The following NTM variants were observed in gnomAD, a reference collection of about 807,000 sequenced individuals.
The protein encoded by NTM is neurotrimin.
Under a neutral mutation model 42.1 loss-of-function variants are expected in NTM, and 13 were observed. The ratio of observed to expected loss-of-function variants is 0.31; its 90% CI spans 0.20 to 0.49. The LOEUF is 0.49. Among genes scored for constraint, NTM ranks in the 20% least tolerant of loss-of-function variants. NTM has a pLI of 0.99. For synonymous variants in NTM, 187 were observed against 179.2 expected, an observed-to-expected ratio of 1.04 and a Z score of -0.35; for missense variants, 373 against 452.8, an observed-to-expected ratio of 0.82 and a Z score of 1.60.
intron 3 of NTM, among the ~76,000 whole-genome samples, chr11:132,166,576 C>A (rs1566356264): frequency 6.6e-6 from 1 of 152,186 alleles, no homozygotes; most frequent in African/African-American, 2.4e-5. Flanking sequence ...GCTATGCAAT[C>A]CACATAGTAA....
chr11:131,548,962 G>A (rs1234694536), intron 1 of NTM, among the ~76,000 whole-genome samples: 1 of 152,210 alleles, frequency 6.6e-6, no homozygotes, highest in South Asian at 2.1e-4. Context: ...CTGGGAGGCA[G>A]AATTCACAGC....
chr11:131,613,182 G>C (rs570964602), intron 1 of NTM, among the ~76,000 whole-genome samples: 19 of 152,082 alleles, frequency 1.2e-4, no homozygotes, highest in Non-Finnish European at 2.6e-4. Flanking sequence ...GCTTTTCCCT[G>C]GTGGCTGGCC....
At chr11:131,631,469 T>C (rs1426327613) in intron 1 of NTM, among the ~76,000 whole-genome samples, 1 of 152,210 alleles carries the variant, frequency 6.6e-6, no homozygotes, top group African/African-American at 2.4e-5. Context: ...TCCTGTCTTA[T>C]GTTAATAAAA....
chr11:132,099,752 C>T (rs1248620329), intron 2 of NTM, among the ~76,000 whole-genome samples: 2 of 152,146 alleles, frequency 1.3e-5, no homozygotes, highest in Admixed American at 1.3e-4. Context: ...GCCTGAGTAC[C>T]TACATAATAC....
intron 1 of NTM, among the ~76,000 whole-genome samples, chr11:131,867,452 T>C (rs1367424330): frequency 1.3e-5 from 2 of 151,840 alleles, no homozygotes; most frequent in Non-Finnish European, 2.9e-5. Context: ...TATGTGTATG[T>C]GTGTGTGTGT....
At chr11:131,696,540 A>G (rs913642715) in intron 1 of NTM, among the ~76,000 whole-genome samples, 2 of 152,168 alleles carry the variant, frequency 1.3e-5, no homozygotes, top group East Asian at 1.9e-4. Context: ...TTCTTTCTCT[A>G]TTAGTCCTTT....
chr11:131,667,266 T>C (rs2069234817), intron 1 of NTM, among the ~76,000 whole-genome samples: 1 of 152,174 alleles, frequency 6.6e-6, no homozygotes, highest in Non-Finnish European at 1.5e-5. Context: ...CCGTGGGTTG[T>C]TCTTGTTCCA....
intron 1 of NTM, among the ~76,000 whole-genome samples, chr11:131,377,753 G>A (rs998156665): frequency 3.3e-5 from 5 of 152,184 alleles, no homozygotes; most frequent in Non-Finnish European, 7.3e-5. Context: ...TGTGTGTACA[G>A]AGGTAACAAA....
chr11:131,527,278 AACAGTTTTTATTCC>A (rs1289407089), intron 1 of NTM, among the ~76,000 whole-genome samples: 2 of 152,010 alleles, frequency 1.3e-5, no homozygotes, highest in Non-Finnish European at 2.9e-5. Context: ...TTCCCTACAA[AACAGTTTTTATTCC>A]CCCACCCCTG....
intron 4 of NTM, chr11:132,284,218 G>A (rs539138601): frequency 5.3e-5 from 8 of 152,262 alleles, no homozygotes; most frequent in East Asian, 1.9e-4. Flanking sequence ...GGTTGCTAGC[G>A]CTGAGGTAAC....
chr11:131,888,107 C>G (rs2050684655), intron 1 of NTM, among the ~76,000 whole-genome samples: 1 of 152,056 alleles, frequency 6.6e-6, no homozygotes, highest in Admixed American at 6.5e-5. Flanking sequence ...TCGAGACCAG[C>G]CTGATTAATA....
intron 1 of NTM, among the ~76,000 whole-genome samples, chr11:131,568,760 G>A (rs150594779): frequency 4.9e-4 from 74 of 152,272 alleles, no homozygotes; most frequent in Middle Eastern, 6.8e-3. Context: ...GCACCAGCAC[G>A]CATTCAAAGT....
At chr11:132,118,104 T>C (rs1042744503) in intron 2 of NTM, among the ~76,000 whole-genome samples, 23 of 152,246 alleles carry the variant, frequency 1.5e-4, no homozygotes, top group African/African-American at 4.8e-4. Flanking sequence ...CACAATAGTT[T>C]CAGGGTCCTT....
intron 2 of NTM, among the ~76,000 whole-genome samples, chr11:131,935,714 GA>G (rs1262812224): frequency 1.3e-5 from 2 of 152,120 alleles, no homozygotes; most frequent in East Asian, 3.9e-4. Flanking sequence ...CTCATCCATA[GA>G]ATGATATATT....
intron 2 of NTM, among the ~76,000 whole-genome samples, chr11:131,940,634 A>G (rs936697068): frequency 2.0e-5 from 3 of 152,102 alleles, no homozygotes; most frequent in African/African-American, 4.8e-5. Flanking sequence ...ATGTTTTCTT[A>G]TTTTATCTCT....
At chr11:132,211,152 C>A (rs145917765) in intron 3 of NTM, among the ~76,000 whole-genome samples, 2 of 152,290 alleles carry the variant, frequency 1.3e-5, no homozygotes, top group East Asian at 3.9e-4. Flanking sequence ...GATGGCTGCG[C>A]GTGCACTTTG....
At chr11:131,617,647 G>A (rs555380868) in intron 1 of NTM, among the ~76,000 whole-genome samples, 1 of 152,344 alleles carries the variant, frequency 6.6e-6, no homozygotes, top group African/African-American at 2.4e-5. Flanking sequence ...CAAGCGTTAT[G>A]TTGTTCTGAG....
At chr11:132,212,554 C>G (rs1465870292) in intron 4 of NTM, among the ~76,000 whole-genome samples, 1 of 152,160 alleles carries the variant, frequency 6.6e-6, no homozygotes. Flanking sequence ...GGAGATTCTC[C>G]AAGTCTGTGC....
At chr11:132,149,121 GT>G (rs1173573531) in intron 3 of NTM, among the ~76,000 whole-genome samples, 5 of 150,220 alleles carry the variant, frequency 3.3e-5, no homozygotes, top group Non-Finnish European at 5.9e-5. Context: ...GAGGACCATA[GT>G]TTTTTCAGAG....
Sources: gnomAD v4.1 joint callset for allele counts (sites outside exome capture counted in the v4.1 genomes callset) on GRCh38, gnomAD v4.1.1 for gene constraint, MANE v1.5 for transcripts, NCBI Gene and HGNC (gene_info 2026-07-23, HGNC 2026-07-21) for gene names.